Variants in TSPEAR observed in about 807,000 individuals in gnomAD.
The protein encoded by TSPEAR is thrombospondin type laminin G domain and EAR repeats, also known as thrombospondin-type laminin G domain and EAR repeat-containing protein.
TSPEAR carries 69 observed loss-of-function variants against 71.6 expected under a neutral mutation model. The observed-to-expected ratio is 0.96, with a 90% CI of 0.79 to 1.18. The LOEUF is 1.18. TSPEAR is among the 50% of genes most tolerant of loss of function. The pLI is 0.00. For synonymous variants in TSPEAR, 402 were observed against 387.2 expected (o/e 1.04, Z -0.45); for missense variants, 971 against 894.9 (o/e 1.09, Z -1.09).
At chr21:44,551,339 G>C (rs782534140) in intron 2 of TSPEAR, 1 of 1,613,092 alleles carries the variant, frequency 6.2e-7, no homozygotes, top group Non-Finnish European at 8.5e-7. Flanking sequence ...TCAGGCAGGG[G>C]GCTGGGGCAC....
chr21:44,626,499 G>A lies in TSPEAR; in HGVS notation c.83-58494C>T, dbSNP rs587595819. Among the ~76,000 whole-genome samples, 17 of 151,624 alleles carry A rather than the reference G, an allele frequency of 1.1e-4. 1 individual carries two copies. In the South Asian group the frequency reaches 3.5e-3, roughly 31 times the overall value. ...CACGGGTTCAGAACCCGAAACCACA[G>A]CCCACGATGCTGCCATTGTGCCTCA... On this transcript the variant is annotated intron_variant, in intron 1 of 11. Coordinates refer to ENST00000323084, the MANE Select transcript of TSPEAR (RefSeq NM_144991.3).
At chr21:44,502,302 G>C (rs2052047704) in intron 11 of TSPEAR, among the ~76,000 whole-genome samples, 1 of 152,194 alleles carries the variant, frequency 6.6e-6, no homozygotes, top group African/African-American at 2.4e-5. Flanking sequence ...GGAATCTTTA[G>C]CTAGGGAAGC....
At chr21:44,555,008 T>C (rs1194326514) in intron 2 of TSPEAR, among the ~76,000 whole-genome samples, 1 of 152,154 alleles carries the variant, frequency 6.6e-6, no homozygotes, top group Admixed American at 6.5e-5. Flanking sequence ...AAAGGTAAAC[T>C]TAAAAGCTAT....
intron 1 of TSPEAR, chr21:44,580,461 C>T (rs782558028): frequency 6.2e-7 from 1 of 1,613,070 alleles, no homozygotes; most frequent in Non-Finnish European, 8.5e-7. Context: ...GGGGTGCAGA[C>T]CAGGGTCAGG....
chr21:44,638,416 C>T, intron 1 of TSPEAR: 1 of 403,500 alleles, frequency 2.5e-6, no homozygotes, highest in Non-Finnish European at 4.7e-6. Flanking sequence ...TGGGCAGCAC[C>T]CCCTCTAGTT....
Position 44,702,099 on chromosome 21 carries a change from G to A in TSPEAR, c.82+9334C>T, listed in dbSNP as rs1333775122. 1.2e-5 allele frequency: 11 copies of A among 901,482 alleles called. No individual in the cohort carries two copies. The African/African-American group carries it at 1.8e-4, about 15-fold the overall frequency. The allele number at this position is 901,482 out of a possible 1,614,324, so 55.8% of individuals were successfully genotyped here. A position where few individuals can be genotyped will look rare whatever the true frequency, so the allele number is the denominator to read the frequency against. ...ACACGTTCCTATGAGAGGGAGGCAGGGAAACTTCACCCAGGAGAGGCAGCG... is the reference window on the plus strand; with the variant it reads ...ACACGTTCCTATGAGAGGGAGGCAGAGAAACTTCACCCAGGAGAGGCAGCG... On this transcript the variant is annotated intron_variant, in intron 1 of 11. Transcript: ENST00000323084.
chr21:44,541,585 C>T (rs142102081), intron 2 of TSPEAR, among the ~76,000 whole-genome samples: 71 of 152,276 alleles, frequency 4.7e-4, no homozygotes, highest in African/African-American at 1.7e-3. Context: ...ATTTACAGAC[C>T]ACAGCCAAGA....
intron 1 of TSPEAR, among the ~76,000 whole-genome samples, chr21:44,684,767 G>T (rs145507091): frequency 6.6e-6 from 1 of 152,248 alleles, no homozygotes; most frequent in Non-Finnish European, 1.5e-5. Flanking sequence ...CTACAGGAAG[G>T]AGATGGGGGA....
intron 2 of TSPEAR, among the ~76,000 whole-genome samples, chr21:44,551,961 T>TCC (rs1247284435): frequency 1.3e-5 from 2 of 152,148 alleles, no homozygotes; most frequent in East Asian, 1.9e-4. Flanking sequence ...GGACAGCGCT[T>TCC]CCTGGCGGGC....
chr21:44,522,862 T>C (rs58270608), intron 8 of TSPEAR, among the ~76,000 whole-genome samples: 24,911 of 152,296 alleles, frequency 0.16, 2,920 homozygotes, highest in African/African-American at 0.33. Flanking sequence ...CCAGCATCCC[T>C]GCCATGGGCC....
At chr21:44,688,028 T>A (rs970482853) in intron 1 of TSPEAR, among the ~76,000 whole-genome samples, 1 of 152,088 alleles carries the variant, frequency 6.6e-6, no homozygotes, top group East Asian at 1.9e-4. Flanking sequence ...GCCCACTGTT[T>A]AATTTTTACA....
chr21:44,672,373 A>G (rs587719791), intron 1 of TSPEAR, among the ~76,000 whole-genome samples: 263 of 152,296 alleles, frequency 1.7e-3, no homozygotes, highest in African/African-American at 6.2e-3. Flanking sequence ...GATTGAGACC[A>G]TCCTGGCTAA....
At chr21:44,697,817 G>A (rs374493028) in intron 1 of TSPEAR, 11 of 1,613,198 alleles carry the variant, frequency 6.8e-6, no homozygotes, top group Admixed American at 1.7e-5. Context: ...GTGCAGACCC[G>A]CCCGCCGCGT....
rs370672423 is a variant in TSPEAR at position 44,567,896 on chromosome 21, G to A, written c.192C>T (p.Ala64=). 6.2e-5 allele frequency: 100 copies of A among 1,608,212 alleles called. No individual in the cohort carries two copies. The Middle Eastern group carries it at 8.3e-4, about 13-fold the overall frequency. The change falls in exon 2 of 12, where the codon GCC becomes GCT. Residue 64 remains alanine, a synonymous_variant. Transcript: ENST00000323084. ...CTGGGAAGCTCATGGTGCGGGGGGC[G>A]GCTACTGAGAGCTGGAGTCCCCGTG... The part of the protein sequence containing the change: ...HGARGLQLSV[A]APRTMSFPAS...
intron 1 of TSPEAR, chr21:44,580,010 G>A: frequency 6.3e-7 from 1 of 1,595,154 alleles, no homozygotes; most frequent in Non-Finnish European, 8.6e-7. Context: ...AGAGCAGACG[G>A]GCACACAGCA....
chr21:44,567,150 T>C (rs2053713878), intron 2 of TSPEAR, among the ~76,000 whole-genome samples: 1 of 152,182 alleles, frequency 6.6e-6, no homozygotes, highest in Non-Finnish European at 1.5e-5. Context: ...GAATTCTTTA[T>C]AACTGAGCAA....
At chr21:44,517,612 T>G in intron 9 of TSPEAR, 1 of 378,346 alleles carries the variant, frequency 2.6e-6, no homozygotes, top group Admixed American at 3.1e-5. Flanking sequence ...TTCCTGCTGC[T>G]TCCCACCGTG....
Position 44,593,120 on chromosome 21 carries a change from G to T in TSPEAR, c.83-25115C>A, listed in dbSNP as rs1555927163. Among the ~76,000 whole-genome samples the T allele has an allele frequency of 6.6e-6, 1 of 152,232 alleles. No homozygotes were observed. Among genetic ancestry groups the T allele is most frequent in the East Asian group, 1.9e-4 (1 of 5,198 alleles). The stretch of plus-strand genomic sequence containing the variant: ...GTTTTGGAGGCAGCAGGACCTGTGT[G>T]TTCCAGGGCAAGGACGGTGGGCTTG... On this transcript the variant is annotated intron_variant, in intron 1 of 11. Transcript: ENST00000323084. The surrounding 1 kb of genome is among the most constrained non-coding windows in gnomAD (Gnocchi z 5.9).
At chr21:44,575,555 G>A (rs1357761497) in intron 1 of TSPEAR, among the ~76,000 whole-genome samples, 2 of 152,316 alleles carry the variant, frequency 1.3e-5, no homozygotes, top group Admixed American at 1.3e-4. Flanking sequence ...TGGCCATTTC[G>A]GGCCCTTGGG....
Sources: gnomAD v4.1 joint callset for allele counts (sites outside exome capture counted in the v4.1 genomes callset) on GRCh38, gnomAD v4.1.1 for gene constraint, Gnocchi (gnomAD v3.1) non-coding constraint, MANE v1.5 for transcripts, NCBI Gene and HGNC (gene_info 2026-07-23, HGNC 2026-07-21) for gene names.